SLC35D4: variants seen among roughly 807,000 people sequenced by gnomAD.
SLC35D4 encodes solute carrier family 35 member D4, also known as UDP-N-acetylglucosamine transporter SLC35D4.
the SLC35D4 span, among the ~76,000 whole-genome samples, chr18:23,291,482 C>A: frequency 6.6e-6 from 1 of 152,238 alleles, no homozygotes; most frequent in Non-Finnish European, 1.5e-5. Context: ...GATTCTTCTG[C>A]CCCATGTGGC....
chr18:23,252,998 G>C, the SLC35D4 span: 1 of 1,613,816 alleles, frequency 6.2e-7, no homozygotes, highest in Non-Finnish European at 8.5e-7. Context: ...CGGATCTCAA[G>C]AAGGACATGA....
the SLC35D4 span, chr18:23,253,702 T>C: frequency 1.7e-5 from 27 of 1,598,716 alleles, no homozygotes; most frequent in Non-Finnish European, 2.2e-5. Flanking sequence ...TTCACAAGAC[T>C]GTTCCCTCTT....
At chr18:23,384,029 C>T in the SLC35D4 span, among the ~76,000 whole-genome samples, 105 of 145,752 alleles carry the variant, frequency 7.2e-4, 3 homozygotes, top group South Asian at 0.023. Flanking sequence ...TGTTTTACAC[C>T]TGTAATCCCA....
chr18:23,381,424 C>T, the SLC35D4 span, among the ~76,000 whole-genome samples: 1 of 152,140 alleles, frequency 6.6e-6, no homozygotes, highest in Non-Finnish European at 1.5e-5. Flanking sequence ...ACTGCAGCCT[C>T]GAACTCCTGG....
chr18:23,278,436 G>C, the SLC35D4 span, among the ~76,000 whole-genome samples: 1 of 152,218 alleles, frequency 6.6e-6, no homozygotes, highest in Non-Finnish European at 1.5e-5. Context: ...AGTCAGTGTA[G>C]TGTCACACCA....
At chr18:23,251,442 C>T in the SLC35D4 span, among the ~76,000 whole-genome samples, 2 of 152,120 alleles carry the variant, frequency 1.3e-5, no homozygotes, top group South Asian at 2.1e-4. Context: ...CAGAGCATGA[C>T]TCCGTCTCAA....
chr18:23,361,462 C>T, the SLC35D4 span, among the ~76,000 whole-genome samples: 5 of 152,294 alleles, frequency 3.3e-5, no homozygotes, highest in South Asian at 1.0e-3. Flanking sequence ...TAGTCCTGCT[C>T]CCTTACAGCA....
the SLC35D4 span, among the ~76,000 whole-genome samples, chr18:23,250,596 T>A: frequency 6.6e-6 from 1 of 152,108 alleles, no homozygotes; most frequent in East Asian, 1.9e-4. Flanking sequence ...GCCACAGGGG[T>A]CCACTCTGCT....
chr18:23,367,044 A>T, the SLC35D4 span, among the ~76,000 whole-genome samples: 3 of 152,214 alleles, frequency 2.0e-5, no homozygotes, highest in Non-Finnish European at 4.4e-5. Context: ...CTTTTTGGTT[A>T]TAACTTCAGG....
the SLC35D4 span, among the ~76,000 whole-genome samples, chr18:23,359,958 G>A: frequency 1.3e-5 from 2 of 152,178 alleles, no homozygotes; most frequent in Non-Finnish European, 2.9e-5. Context: ...CTGTGGTGGG[G>A]CCCATGCTGA....
the SLC35D4 span, among the ~76,000 whole-genome samples, chr18:23,400,179 G>A: frequency 1.3e-5 from 2 of 152,130 alleles, no homozygotes; most frequent in Non-Finnish European, 2.9e-5. Flanking sequence ...CTGGTTCAGG[G>A]ACCCTTTAAG....
At chr18:23,433,560 G>A in the SLC35D4 span, among the ~76,000 whole-genome samples, 5 of 152,154 alleles carry the variant, frequency 3.3e-5, no homozygotes, top group Non-Finnish European at 4.4e-5. Flanking sequence ...GGAGGAACAC[G>A]TCATCAGCCA....
At chr18:23,410,281 T>A in the SLC35D4 span, among the ~76,000 whole-genome samples, 5 of 150,296 alleles carry the variant, frequency 3.3e-5, no homozygotes, top group East Asian at 4.0e-4. Flanking sequence ...ATCGAGACCA[T>A]CCTGGCTAAC....
At chr18:23,332,576 C>A in the SLC35D4 span, among the ~76,000 whole-genome samples, 1 of 152,118 alleles carries the variant, frequency 6.6e-6, no homozygotes, top group Non-Finnish European at 1.5e-5. Context: ...ATTCCCCATT[C>A]TCTTACTACC....
chr18:23,376,922 T>G, the SLC35D4 span: 1 of 456,714 alleles, frequency 2.2e-6, no homozygotes, highest in East Asian at 6.9e-5. Context: ...TGGTTTTGTC[T>G]TGTTCTTTCA....
chr18:23,411,215 A>AGAGGG, the SLC35D4 span, among the ~76,000 whole-genome samples: 6 of 112,702 alleles, frequency 5.3e-5, no homozygotes, highest in East Asian at 1.8e-3. Flanking sequence ...GGAAAGAAAG[A>AGAGGG]GAGGGGAGGG....
chr18:23,391,963 A>C, the SLC35D4 span, among the ~76,000 whole-genome samples: 2,997 of 148,960 alleles, frequency 0.02, 90 homozygotes, highest in African/African-American at 0.07. Flanking sequence ...TTTGAGACAG[A>C]GTTTCACCCT....
At chr18:23,417,641 A>C in the SLC35D4 span, among the ~76,000 whole-genome samples, 1 of 152,226 alleles carries the variant, frequency 6.6e-6, no homozygotes, top group Non-Finnish European at 1.5e-5. Context: ...AATGCCAATG[A>C]ATTGTATACT....
At chr18:23,347,155 C>A in the SLC35D4 span, among the ~76,000 whole-genome samples, 1 of 152,100 alleles carries the variant, frequency 6.6e-6, no homozygotes, top group South Asian at 2.1e-4. Context: ...TTCCTAAAAA[C>A]CTAAGAAAGA....
Sources: gnomAD v4.1 joint callset for allele counts (sites outside exome capture counted in the v4.1 genomes callset) on GRCh38, gnomAD v4.1.1 for gene constraint, MANE v1.5 for transcripts, NCBI Gene and HGNC (gene_info 2026-07-23, HGNC 2026-07-21) for gene names.